NR3C1: variants seen among roughly 807,000 people sequenced by gnomAD.
NR3C1 encodes nuclear receptor subfamily 3 group C member 1.
Under a neutral mutation model 74.0 loss-of-function variants are expected in NR3C1, and 14 were observed. That is an observed-to-expected ratio of 0.19 (90% CI 0.12 to 0.30). The LOEUF is 0.30. Ranked by LOEUF, NR3C1 falls within the 10% of genes least tolerant of loss-of-function variation. NR3C1 has a pLI of 1.00. For missense variants in NR3C1, 695 were observed against 909.8 expected (o/e 0.76, Z 3.04); for synonymous variants, 308 against 332.5 (o/e 0.93, Z 0.80).
At chr5:143,373,548 G>A (rs566636472) in intron 2 of NR3C1, among the ~76,000 whole-genome samples, 105 of 151,972 alleles carry the variant, frequency 6.9e-4, no homozygotes, top group Non-Finnish European at 1.3e-3. Flanking sequence ...CCAACATGGC[G>A]CATGTATACC....
At chr5:143,404,077 C>T, upstream of NR3C1, 1 of 985,594 alleles carries the variant, frequency 1.0e-6, no homozygotes, top group Non-Finnish European at 1.2e-6. Context: ...AGCTCCGCGG[C>T]TCCAGACCCA....
At chr5:143,322,354 G>A (rs1408308064) in intron 2 of NR3C1, among the ~76,000 whole-genome samples, 1 of 152,114 alleles carries the variant, frequency 6.6e-6, no homozygotes, top group East Asian at 1.9e-4. Flanking sequence ...GAGAAGCTGA[G>A]GTATATCCAG....
intron 1 of NR3C1, among the ~76,000 whole-genome samples, chr5:143,419,066 G>A (rs1355384711): frequency 1.3e-5 from 2 of 152,156 alleles, no homozygotes; most frequent in Admixed American, 6.5e-5. Flanking sequence ...CTATCATGAT[G>A]CTCAAAGGAA....
At chr5:143,392,948 G>T (rs1203829861) in intron 2 of NR3C1, among the ~76,000 whole-genome samples, 1 of 152,114 alleles carries the variant, frequency 6.6e-6, no homozygotes, top group Non-Finnish European at 1.5e-5. Flanking sequence ...ATTCAAACTG[G>T]CAACACCGCT....
At position 143,399,690 on chromosome 5, in the gene NR3C1, G is replaced by T; in HGVS notation, c.1150C>A (p.Pro384Thr). 6.2e-7 allele frequency: 1 copy of T among 1,614,078 alleles called. No individual in the cohort carries two copies. The highest frequency in any genetic ancestry group is 8.5e-7 in the Non-Finnish European group (1 of 1,179,966). ...CCATTAGAAAAAACTGTTCGACCAG[G>T]GAAGTTCAGAGTCCCCAGAGAAGTC... The part of the protein sequence containing the change: ...NLTSLGTLNF[P>T]GRTVFSNGYS... Residue 384 changes from proline to threonine, a missense_variant, in exon 2 of 9, where the codon CCT (proline) becomes ACT (threonine). Physicochemically the swap from Pro to Thr is conservative, Grantham distance 38 (BLOSUM62 -1). Transcript: ENST00000394464.
chr5:143,294,500 A>G (rs1480566591), intron 7 of NR3C1: 1 of 187,764 alleles, frequency 5.3e-6, no homozygotes, highest in African/African-American at 2.4e-5. Flanking sequence ...ATCATCACCC[A>G]AAGTCCATAG....
chr5:143,298,021 G>C (rs140237949), intron 6 of NR3C1, among the ~76,000 whole-genome samples: 1 of 152,300 alleles, frequency 6.6e-6, no homozygotes, highest in East Asian at 1.9e-4. Flanking sequence ...TAGCCAACAT[G>C]ATGAACGTTA....
At position 143,281,827 on chromosome 5, in the gene NR3C1, A is replaced by G; in HGVS notation, c.*62T>C. The G allele has an allele frequency of 6.7e-7, 1 of 1,491,660 alleles. No homozygotes were observed. The highest frequency in any genetic ancestry group is 1.1e-5 in the South Asian group (1 of 88,224). The allele number at this position is 1,491,660 out of a possible 1,614,324, so 92.4% of individuals were successfully genotyped here. A position where few individuals can be genotyped will look rare whatever the true frequency, so the allele number is the denominator to read the frequency against. On this transcript the variant is annotated 3_prime_UTR_variant, in exon 9 of 9. Coordinates refer to ENST00000394464, the MANE Select transcript of NR3C1 (RefSeq NM_000176.3). ...CAAAACCTCTACAGGACAAACTGAT[A>G]GTTTATACAATAAAAGCTATTAATT...
intron 2 of NR3C1, among the ~76,000 whole-genome samples, chr5:143,385,954 A>G (rs1228565638): frequency 6.6e-6 from 1 of 152,222 alleles, no homozygotes; most frequent in Non-Finnish European, 1.5e-5. Flanking sequence ...ACAGTGCTAT[A>G]AAGAACTAAC....
chr5:143,284,591 T>C lies in NR3C1; in HGVS notation c.2024-1866A>G, dbSNP rs567794125. On this transcript the variant is annotated intron_variant, in intron 7 of 8. Coordinates refer to ENST00000394464, the MANE Select transcript of NR3C1 (RefSeq NM_000176.3). ...TTAGTCCTAATTCTAAAAATAACTATGGTGAAGCCCAATTCAATATGCATA... is the reference window on the plus strand; with the variant it reads ...TTAGTCCTAATTCTAAAAATAACTACGGTGAAGCCCAATTCAATATGCATA... Among the ~76,000 whole-genome samples, 5 of 152,250 alleles carry C rather than the reference T, an allele frequency of 3.3e-5. No homozygotes were observed. In the South Asian group the frequency reaches 1.0e-3, roughly 32 times the overall value.
At chr5:143,391,438 A>G (rs1277049799) in intron 2 of NR3C1, among the ~76,000 whole-genome samples, 2 of 152,204 alleles carry the variant, frequency 1.3e-5, no homozygotes, top group Non-Finnish European at 2.9e-5. Context: ...AAATGTAAAA[A>G]AATTTTAAAC....
chr5:143,336,699 C>CGGTA (rs909068658), intron 2 of NR3C1, among the ~76,000 whole-genome samples: 2 of 152,090 alleles, frequency 1.3e-5, no homozygotes, highest in African/African-American at 4.8e-5. Flanking sequence ...AGGCCAGGCG[C>CGGTA]GGTAGCTCAT....
rs1295470136 is a variant in NR3C1, at chr5:143,435,259, A to G, written c.-741T>C. The G allele has an allele frequency of 1.6e-5, 16 of 985,154 alleles. No individual in the cohort carries two copies. Among genetic ancestry groups the G allele is most frequent in the Non-Finnish European group, 1.8e-5 (15 of 829,902 alleles). 61.0% of individuals were successfully genotyped at this position (985,154 alleles called of 1,614,324 possible). A position where few individuals can be genotyped will look rare whatever the true frequency, so the allele number is the denominator to read the frequency against. The stretch of plus-strand genomic sequence containing the variant: ...ATGCCCCAGTGCTTCCGTTGGACAC[A>G]TGCGCATTTTACGGTCCTGCAGGGC... On this transcript the variant is annotated 5_prime_UTR_variant, in exon 1 of 9. Coordinates refer to the NR3C1 transcript ENST00000343796.
intron 2 of NR3C1, among the ~76,000 whole-genome samples, chr5:143,387,304 C>T (rs946109213): frequency 1.2e-4 from 19 of 152,110 alleles, no homozygotes; most frequent in Admixed American, 9.8e-4. Flanking sequence ...AAATTATAAA[C>T]GAAATCACTA....
At chr5:143,284,641 T>A (rs940483256) in intron 7 of NR3C1, among the ~76,000 whole-genome samples, 1 of 151,762 alleles carries the variant, frequency 6.6e-6, no homozygotes, top group Non-Finnish European at 1.5e-5. Flanking sequence ...CCATCTTAAA[T>A]TTTTTTTTAA....
At chr5:143,393,912 AAACT>A (rs1838735023) in intron 2 of NR3C1, among the ~76,000 whole-genome samples, 1 of 152,076 alleles carries the variant, frequency 6.6e-6, no homozygotes, top group Admixed American at 6.5e-5. Flanking sequence ...TTTTTGCAAC[AAACT>A]ATGTCTTAAA....
intron 2 of NR3C1, among the ~76,000 whole-genome samples, chr5:143,364,784 C>T (rs1832909400): frequency 6.6e-6 from 1 of 152,122 alleles, no homozygotes; most frequent in African/African-American, 2.4e-5. Flanking sequence ...AAGTTCACTG[C>T]AGCCTCAACC....
At chr5:143,351,260 A>C (rs1464414436) in intron 2 of NR3C1, among the ~76,000 whole-genome samples, 2 of 152,158 alleles carry the variant, frequency 1.3e-5, no homozygotes, top group Non-Finnish European at 2.9e-5. Context: ...ATCCTGGCTT[A>C]AAAACATAAT....
At chr5:143,434,641 T>C in exon 1 of NR3C1, 1 of 985,374 alleles carries the variant, frequency 1.0e-6, no homozygotes, top group Non-Finnish European at 1.2e-6. Flanking sequence ...CCGAGGAGGG[T>C]AGGAGCTGCA....
Sources: gnomAD v4.1 joint callset for allele counts (sites outside exome capture counted in the v4.1 genomes callset) on GRCh38, gnomAD v4.1.1 for gene constraint, MANE v1.5 for transcripts, NCBI Gene and HGNC (gene_info 2026-07-23, HGNC 2026-07-21) for gene names.